Variants in FRMD4B observed in about 807,000 individuals in gnomAD.
The protein encoded by FRMD4B is FERM domain-containing protein 4B.
In FRMD4B, 74 loss-of-function variants were observed where a neutral mutation model predicts 141.5. The observed-to-expected ratio is 0.52, with a 90% CI of 0.43 to 0.63. FRMD4B has a LOEUF of 0.63. Ranked by LOEUF, FRMD4B falls within the 30% of genes least tolerant of loss-of-function variation. The pLI is 0.00. For missense variants in FRMD4B, 1,366 were observed against 1,253.4 expected, an observed-to-expected ratio of 1.09 and a Z score of -1.36; for synonymous variants, 506 against 467.9, an observed-to-expected ratio of 1.08 and a Z score of -1.05.
intron 1 of FRMD4B, among the ~76,000 whole-genome samples, chr3:69,484,587 C>T (rs1024727058): frequency 2.0e-5 from 3 of 152,112 alleles, no homozygotes; most frequent in African/African-American, 7.2e-5. Flanking sequence ...ATCAAGTGTT[C>T]AGCTCTCAGC....
In FRMD4B at chr3:69,313,461, C is replaced by T. The variant is rs1215921869; in HGVS notation, c.219G>A (p.Leu73=). The T allele has an allele frequency of 1.9e-6, 3 of 1,569,944 alleles. No individual in the cohort carries two copies. Among genetic ancestry groups the T allele is most frequent in the Non-Finnish European group, 2.6e-6 (3 of 1,156,602 alleles). The change falls in exon 2 of 23, where the codon CTG becomes CTA. Residue 73 remains leucine, a synonymous_variant. Transcript: ENST00000398540. ...VHLLDDRRLE[L]LVQPKLLARE... Reference sequence around the variant, plus strand: ...TGTGGGCCACACCTACCTGAACCAGCAGCTCCAGTCTCCTATCATCCAGGA... The same window carrying T: ...TGTGGGCCACACCTACCTGAACCAGTAGCTCCAGTCTCCTATCATCCAGGA...
At chr3:69,332,635 G>A (rs1455210384) in intron 1 of FRMD4B, among the ~76,000 whole-genome samples, 1 of 151,892 alleles carries the variant, frequency 6.6e-6, no homozygotes, top group Non-Finnish European at 1.5e-5. Flanking sequence ...GGAGTGCAGT[G>A]GCGTGATCAT....
chr3:69,174,896 G>C (rs2092626499), intron 22 of FRMD4B, among the ~76,000 whole-genome samples: 1 of 152,224 alleles, frequency 6.6e-6, no homozygotes. Context: ...TTTTAGGCCA[G>C]TCATTTTGGT....
chr3:69,472,286 T>C (rs998128003), intron 1 of FRMD4B: 2 of 409,962 alleles, frequency 4.9e-6, no homozygotes, highest in Non-Finnish European at 9.6e-6. Context: ...TTATGTCTGA[T>C]GACATTCTCT....
At chr3:69,261,409 C>T (rs558951233) in intron 5 of FRMD4B, among the ~76,000 whole-genome samples, 1 of 152,228 alleles carries the variant, frequency 6.6e-6, no homozygotes, top group Non-Finnish European at 1.5e-5. Flanking sequence ...AGGATTATGA[C>T]TGCTTTTAGT....
At chr3:69,284,457 G>T (rs1422246716) in intron 5 of FRMD4B, among the ~76,000 whole-genome samples, 1 of 152,066 alleles carries the variant, frequency 6.6e-6, no homozygotes, top group Non-Finnish European at 1.5e-5. Flanking sequence ...GAGTACTCAG[G>T]AAGATCAGTA....
chr3:69,171,515 G>C lies in FRMD4B; in HGVS notation c.*346C>G. On this transcript the variant is annotated 3_prime_UTR_variant, in exon 23 of 23. Coordinates refer to ENST00000398540, the MANE Select transcript of FRMD4B (RefSeq NM_015123.3). ...CTTATTGCCATGGGACATCCTGAATGCCCTTTCATGTTTTTGAGGTTTGCC... is the reference window on the plus strand; with the variant it reads ...CTTATTGCCATGGGACATCCTGAATCCCCTTTCATGTTTTTGAGGTTTGCC... The C allele has an allele frequency of 5.4e-6, 1 of 184,080 alleles. No homozygotes were observed. Among genetic ancestry groups the C allele is most frequent in the Non-Finnish European group, 1.1e-5 (1 of 88,944 alleles). The allele number at this position is 184,080 out of a possible 1,614,324, so 11.4% of individuals were successfully genotyped here. A position where few individuals can be genotyped will look rare whatever the true frequency, so the allele number is the denominator to read the frequency against.
chr3:69,480,479 C>T lies in FRMD4B; in HGVS notation c.-128-47718G>A, dbSNP rs145311805. 6.6e-3 allele frequency among the ~76,000 whole-genome samples: 1,005 copies of T among 152,312 alleles called. 13 individuals carry two copies. Among genetic ancestry groups the T allele is most frequent in the African/African-American group, 0.023 (951 of 41,562 alleles). ...GAGTTTGCCAGAGGTCCACTCCGGA[C>T]GCTGTTTGCCTGGGTATCCGCAGTG... is the stretch of plus-strand genomic sequence containing the variant. On this transcript the variant is annotated intron_variant, in intron 1 of 5. Coordinates refer to the FRMD4B transcript ENST00000459638.
chr3:69,233,464 C>T (rs1013907324), intron 7 of FRMD4B, among the ~76,000 whole-genome samples: 5 of 144,806 alleles, frequency 3.5e-5, no homozygotes, highest in African/African-American at 1.3e-4. Context: ...GCCTGGGTGA[C>T]AGAGTGAGAC....
rs143186508 is a variant in FRMD4B at position 69,226,119 on chromosome 3, C to T, written c.582-1429G>A. ...CCAAACACTGAACCATTCCTTGTTG[C>T]TATTACATTTCAAAGCCAGGGTTGT... On this transcript the variant is annotated intron_variant, in intron 7 of 22. Transcript: ENST00000398540. Among the ~76,000 whole-genome samples the T allele has an allele frequency of 5.7e-3, 861 of 152,250 alleles. 15 individuals carry two copies. The highest frequency in any genetic ancestry group is 0.019 in the African/African-American group (804 of 41,526).
At chr3:69,383,980 T>C (rs566627886) in intron 1 of FRMD4B, among the ~76,000 whole-genome samples, 1 of 152,124 alleles carries the variant, frequency 6.6e-6, no homozygotes, top group East Asian at 1.9e-4. Context: ...TTTTTATTTT[T>C]TTAAGAGATG....
chr3:69,322,902 C>G lies in FRMD4B; in HGVS notation c.163-9385G>C, dbSNP rs762243836. 1.6e-4 allele frequency: 39 copies of G among 248,076 alleles called. 1 individual carries two copies. The highest frequency in any genetic ancestry group is 2.0e-3 in the Middle Eastern group (1 of 508). The allele number at this position is 248,076 out of a possible 1,614,324, so 15.4% of individuals were successfully genotyped here. ...GGGCATGAGATTTCTGTTTAGATTT[C>G]ATAGATGACCAAACTGAAGTGCACA... On this transcript the variant is annotated intron_variant, in intron 1 of 22. Transcript: ENST00000398540.
rs773739478 is a variant in FRMD4B at position 69,171,839 on chromosome 3, G to C, written c.*22C>G. 4 of 1,611,156 alleles carry C rather than the reference G, an allele frequency of 2.5e-6. No individual in the cohort carries two copies. Among genetic ancestry groups the C allele is most frequent in the African/African-American group, 1.3e-5 (1 of 74,998 alleles). On this transcript the variant is annotated 3_prime_UTR_variant, in exon 23 of 23. Transcript: ENST00000398540. ...ACACTAGTGTGAGAACGCAGTGCTT[G>C]GTCAGGAGGTCCAACTGCAGTTCAG... is the stretch of plus-strand genomic sequence containing the variant.
chr3:69,225,996 T>G (rs1010955095), intron 7 of FRMD4B, among the ~76,000 whole-genome samples: 1 of 152,112 alleles, frequency 6.6e-6, no homozygotes, highest in Non-Finnish European at 1.5e-5. Flanking sequence ...ACACACTTCT[T>G]GGGCATTATT....
chr3:69,493,143 T>C (rs1484875086), intron 1 of FRMD4B, among the ~76,000 whole-genome samples: 2 of 152,226 alleles, frequency 1.3e-5, no homozygotes, highest in African/African-American at 2.4e-5. Flanking sequence ...CTCACATGCA[T>C]GACTTTTAGC....
chr3:69,370,368 C>T (rs899472820), intron 1 of FRMD4B, among the ~76,000 whole-genome samples: 10 of 152,192 alleles, frequency 6.6e-5, no homozygotes, highest in Admixed American at 5.9e-4. Flanking sequence ...ACAAGAACTG[C>T]AGAAGCTGCC....
chr3:69,458,794 G>A (rs145073241), intron 1 of FRMD4B, among the ~76,000 whole-genome samples: 140 of 150,660 alleles, frequency 9.3e-4, no homozygotes, highest in Non-Finnish European at 1.3e-3. Context: ...GGTAGAATGT[G>A]GGTCTTCCAT....
chr3:69,407,705 T>C (rs1704672896), intron 2 of FRMD4B, among the ~76,000 whole-genome samples: 1 of 152,250 alleles, frequency 6.6e-6, no homozygotes. Context: ...TGCCTGGGCA[T>C]TGCTTCGAGA....
At chr3:69,461,376 T>C (rs925068552) in intron 1 of FRMD4B, among the ~76,000 whole-genome samples, 2 of 130,942 alleles carry the variant, frequency 1.5e-5, no homozygotes, top group Non-Finnish European at 1.6e-5. Context: ...CTGGGAAACA[T>C]AGTGAGACCC....
Sources: allele counts gnomAD v4.1 joint callset (sites outside exome capture counted in the v4.1 genomes callset), GRCh38; gene constraint gnomAD v4.1.1; transcripts MANE v1.5; gene names NCBI Gene and HGNC (gene_info 2026-07-23, HGNC 2026-07-21).